The following COL22A1 variants were observed in gnomAD, a reference collection of about 807,000 sequenced individuals.
COL22A1 encodes collagen alpha-1(XXII) chain.
COL22A1 carries 221 observed loss-of-function variants against 248.9 expected under a neutral mutation model. The observed-to-expected ratio is 0.89, with a 90% confidence interval of 0.80 to 0.99. The LOEUF (loss-of-function observed/expected upper bound fraction) is 0.99. Ranked by LOEUF, COL22A1 falls within the 50% of genes least tolerant of loss-of-function variation. COL22A1 has a pLI of 0.00. For synonymous variants in COL22A1, 891 were observed against 793.4 expected (o/e 1.12, Z -2.07); for missense variants, 2,240 against 2,179.0 (o/e 1.03, Z -0.56).
intron 47 of COL22A1, among the ~76,000 whole-genome samples, chr8:138,643,631 TAGATAGATAGATAGATAGAC>T (rs1821916783): frequency 1.4e-5 from 1 of 70,858 alleles, no homozygotes; most frequent in Non-Finnish European, 3.0e-5. Flanking sequence ...GATAGATAGA[TAGATAGATAGATAGATAGAC>T]AGATAGATAG....
At chr8:138,593,633 A>T (rs1817275117) in intron 63 of COL22A1, among the ~76,000 whole-genome samples, 2 of 152,086 alleles carry the variant, frequency 1.3e-5, no homozygotes, top group South Asian at 4.1e-4. Flanking sequence ...TGGGCAGTTA[A>T]CAGCTGTTTT....
At chr8:138,773,476 C>T (rs2131475812) in intron 16 of COL22A1, among the ~76,000 whole-genome samples, 1 of 152,354 alleles carries the variant, frequency 6.6e-6, no homozygotes, top group African/African-American at 2.4e-5. Flanking sequence ...CATCCATTGT[C>T]CTTACAGGGG....
chr8:138,826,085 G>A (rs1819556851), intron 6 of COL22A1: 1 of 152,686 alleles, frequency 6.5e-6, no homozygotes, highest in African/African-American at 2.4e-5. Flanking sequence ...AACTTCTCAT[G>A]ATGAGATTTT....
rs369693336 is a variant in COL22A1, at chr8:138,779,537, G to A, written c.1676C>T (p.Pro559Leu). The A allele has an allele frequency of 3.8e-5, 62 of 1,613,462 alleles. No individual in the cohort carries two copies. The highest frequency in any genetic ancestry group is 1.5e-4 in the African/African-American group (11 of 74,978). ...CATGCCGACCTCACCCGGCAGCCCC[G>A]GCTCTCCCAGCTCTCCTGGCTCCCC... ...MRGEPGELGE[P>L]GLPGEVGMRG... is the part of the protein sequence containing the mutation. The change falls in exon 14 of 65, where the codon CCG (proline) becomes CTG (leucine). Residue 559 changes from proline (P) to leucine (L), a missense_variant. Pro to Leu is a moderately conservative substitution (Grantham distance 98). Transcript: ENST00000303045.
chr8:138,719,719 G>T (rs1055344542), intron 27 of COL22A1, among the ~76,000 whole-genome samples: 7 of 152,212 alleles, frequency 4.6e-5, no homozygotes, highest in Admixed American at 1.3e-4. Context: ...CACTGTGTGG[G>T]ATCCAGGCCA....
chr8:138,828,728 C>T (rs915942522), intron 5 of COL22A1, among the ~76,000 whole-genome samples: 29 of 150,656 alleles, frequency 1.9e-4, no homozygotes, highest in African/African-American at 7.3e-5. Context: ...CCAGCCTAGG[C>T]GACAGAGCGA....
chr8:138,699,604 T>C (rs1374938338), intron 32 of COL22A1, among the ~76,000 whole-genome samples: 1 of 148,484 alleles, frequency 6.7e-6, no homozygotes, highest in Non-Finnish European at 1.5e-5. Context: ...TGTTTTTGTG[T>C]GTGGAAGTAG....
chr8:138,906,200 C>A (rs2132184414), intron 1 of COL22A1, among the ~76,000 whole-genome samples: 1 of 152,218 alleles, frequency 6.6e-6, no homozygotes, highest in African/African-American at 2.4e-5. Flanking sequence ...GAAACCCCGT[C>A]TCTACTAAAA....
At chr8:138,603,253 C>T (rs1219146578) in intron 59 of COL22A1, among the ~76,000 whole-genome samples, 1 of 152,188 alleles carries the variant, frequency 6.6e-6, no homozygotes, top group Non-Finnish European at 1.5e-5. Context: ...TGGCGGTGGG[C>T]ATGAGTTGAT....
At chr8:138,769,960 G>C (rs1834225902) in intron 16 of COL22A1, among the ~76,000 whole-genome samples, 1 of 152,152 alleles carries the variant, frequency 6.6e-6, no homozygotes, top group African/African-American at 2.4e-5. Flanking sequence ...GCCAAGCCCT[G>C]CACTTGCTCT....
intron 53 of COL22A1, among the ~76,000 whole-genome samples, chr8:138,618,654 T>C (rs189215682): frequency 1.4e-4 from 21 of 152,248 alleles, no homozygotes; most frequent in African/African-American, 4.6e-4. Flanking sequence ...AGGAGGTTGA[T>C]TTTTTAAAAG....
chr8:138,883,997 C>A (rs1476876976), intron 1 of COL22A1, among the ~76,000 whole-genome samples: 1 of 152,176 alleles, frequency 6.6e-6, no homozygotes, highest in Admixed American at 6.5e-5. Context: ...CTCACTCCCC[C>A]ACCATGCTGC....
intron 3 of COL22A1, among the ~76,000 whole-genome samples, chr8:138,864,568 T>G (rs1300471436): frequency 2.6e-5 from 4 of 152,180 alleles, no homozygotes; most frequent in Non-Finnish European, 4.4e-5. Context: ...GGAAAGAAGT[T>G]ATTTTCCAGG....
At chr8:138,859,879 G>A (rs916005211) in intron 3 of COL22A1, among the ~76,000 whole-genome samples, 1 of 119,770 alleles carries the variant, frequency 8.3e-6, no homozygotes, top group Admixed American at 8.5e-5. Context: ...CACCTTGAGA[G>A]TAAAGCAACG....
At chr8:138,865,390 G>A (rs1045868915) in intron 3 of COL22A1, among the ~76,000 whole-genome samples, 3 of 151,764 alleles carry the variant, frequency 2.0e-5, no homozygotes, top group African/African-American at 7.3e-5. Context: ...GTGTGTGAGT[G>A]TATGTGTGTG....
intron 30 of COL22A1, among the ~76,000 whole-genome samples, chr8:138,713,135 T>G (rs78308175): frequency 6.6e-6 from 1 of 152,088 alleles, no homozygotes; most frequent in African/African-American, 2.4e-5. Context: ...AGTGGAATTT[T>G]TAGAGACCTG....
At chr8:138,722,758 G>A (rs1007249942) in intron 25 of COL22A1, among the ~76,000 whole-genome samples, 6 of 148,684 alleles carry the variant, frequency 4.0e-5, no homozygotes, top group African/African-American at 1.0e-4. Context: ...AAGGTTTAAC[G>A]GACTCCACCT....
chr8:138,605,644 C>T (rs1818364546), intron 58 of COL22A1, among the ~76,000 whole-genome samples: 1 of 152,088 alleles, frequency 6.6e-6, no homozygotes, highest in Admixed American at 6.6e-5. Flanking sequence ...TGGGTAAGCT[C>T]TCTACTCTGG....
At chr8:138,867,917 A>G (rs566464656) in intron 3 of COL22A1, among the ~76,000 whole-genome samples, 2 of 152,212 alleles carry the variant, frequency 1.3e-5, no homozygotes, top group African/African-American at 2.4e-5. Context: ...GGCACATGCC[A>G]ACATGCCTGG....
Sources: gnomAD v4.1 joint callset for allele counts (sites outside exome capture counted in the v4.1 genomes callset) on GRCh38, gnomAD v4.1.1 for gene constraint, MANE v1.5 for transcripts, NCBI Gene and HGNC (gene_info 2026-07-23, HGNC 2026-07-21) for gene names.